The following MYT1L variants were observed in gnomAD, a reference collection of about 807,000 sequenced individuals.
MYT1L encodes myelin transcription factor 1-like protein.
In MYT1L, 12 loss-of-function variants were observed where a neutral mutation model predicts 126.7. That is an observed-to-expected ratio of 0.09 (90% CI 0.06 to 0.15). The LOEUF (loss-of-function observed/expected upper bound fraction) is 0.15. Ranked by LOEUF, MYT1L falls within the 10% of genes least tolerant of loss-of-function variation. The pLI, the probability that MYT1L is intolerant of heterozygous loss-of-function variation, is 1.00. For synonymous variants in MYT1L, 541 were observed against 604.2 expected, an observed-to-expected ratio of 0.90 and a Z score of 1.53; for missense variants, 979 against 1,585.2, an observed-to-expected ratio of 0.62 and a Z score of 6.49.
chr2:2,257,313 T>G (rs1203603333), intron 2 of MYT1L, among the ~76,000 whole-genome samples: 1 of 152,224 alleles, frequency 6.6e-6, no homozygotes, highest in Non-Finnish European at 1.5e-5. Flanking sequence ...TGGAAATGAC[T>G]GACGGTTTTC....
At chr2:2,029,180 G>A (rs1169596944) in intron 4 of MYT1L, among the ~76,000 whole-genome samples, 2 of 152,136 alleles carry the variant, frequency 1.3e-5, no homozygotes, top group Admixed American at 6.5e-5. Context: ...GCAAATATTT[G>A]GGCTAAAGTG....
At chr2:2,176,397 T>C (rs1205754170) in intron 2 of MYT1L, among the ~76,000 whole-genome samples, 1 of 152,226 alleles carries the variant, frequency 6.6e-6, no homozygotes, top group East Asian at 1.9e-4. Context: ...TTGGAAAGTA[T>C]TTTTGGCAAT....
rs118078654 is a variant in MYT1L at position 2,045,320 on chromosome 2, G to A, written c.-158+8658C>T. On this transcript the variant is annotated intron_variant, in intron 4 of 24. Coordinates refer to ENST00000647738, the MANE Select transcript of MYT1L (RefSeq NM_001303052.2). ...TCTTGCAGGCAGACTGCTGCACTGCGATTGATTTTGCCTGCCCTTCCTTAA... is the reference window on the plus strand; with the variant it reads ...TCTTGCAGGCAGACTGCTGCACTGCAATTGATTTTGCCTGCCCTTCCTTAA... Among the ~76,000 whole-genome samples the A allele has an allele frequency of 4.7e-3, 713 of 152,316 alleles. 7 individuals carry two copies. Among genetic ancestry groups the A allele is most frequent in the African/African-American group, 0.011 (473 of 41,580 alleles).
At chr2:1,984,135 G>T (rs6548048) in intron 5 of MYT1L, among the ~76,000 whole-genome samples, 65,496 of 152,028 alleles carry the variant, frequency 0.43, 16,646 homozygotes, top group African/African-American at 0.72. Context: ...ATTTATTTTA[G>T]TACTATGATC....
intron 5 of MYT1L, among the ~76,000 whole-genome samples, chr2:1,986,729 G>A (rs2061054770): frequency 6.6e-6 from 1 of 152,182 alleles, no homozygotes; most frequent in African/African-American, 2.4e-5. Flanking sequence ...GGGCCAGGAA[G>A]AGAGAGGCCT....
chr2:1,856,077 AC>A (rs1421557635), intron 18 of MYT1L, among the ~76,000 whole-genome samples: 2 of 152,212 alleles, frequency 1.3e-5, no homozygotes, highest in Non-Finnish European at 1.5e-5. Context: ...TTCTAAAAAA[AC>A]AAAACAAAAC....
At chr2:2,148,123 C>T (rs73913216) in intron 3 of MYT1L, among the ~76,000 whole-genome samples, 2,455 of 152,194 alleles carry the variant, frequency 0.016, 63 homozygotes, top group African/African-American at 0.052. Context: ...CCCTGGTGCC[C>T]GCATGACTTA....
At chr2:1,858,967 G>A (rs546520129) in intron 18 of MYT1L, among the ~76,000 whole-genome samples, 8 of 152,228 alleles carry the variant, frequency 5.3e-5, no homozygotes, top group Admixed American at 1.3e-4. Context: ...GAAAGGGTGC[G>A]GCGGCATGCC....
intron 1 of MYT1L, among the ~76,000 whole-genome samples, chr2:2,294,409 G>A (rs1333930116): frequency 1.3e-5 from 2 of 152,164 alleles, no homozygotes; most frequent in African/African-American, 2.4e-5. Context: ...ACTGAGATCA[G>A]ATGAATTTTG....
chr2:2,237,960 G>A (rs139575380), intron 2 of MYT1L, among the ~76,000 whole-genome samples: 57 of 152,282 alleles, frequency 3.7e-4, no homozygotes, highest in Admixed American at 1.8e-3. Flanking sequence ...CGGGGCACAC[G>A]TGCAAACACC....
intron 4 of MYT1L, among the ~76,000 whole-genome samples, chr2:2,010,909 C>T (rs755178323): frequency 2.6e-5 from 4 of 152,174 alleles, no homozygotes; most frequent in Non-Finnish European, 5.9e-5. Flanking sequence ...CGGGGCTAGT[C>T]AAAGGGGAGA....
intron 14 of MYT1L, among the ~76,000 whole-genome samples, chr2:1,893,237 G>A (rs2049151574): frequency 6.6e-6 from 1 of 152,210 alleles, no homozygotes; most frequent in African/African-American, 2.4e-5. Context: ...TTTATCCGAT[G>A]GGTCCTTCTT....
chr2:1,816,249 G>A (rs1219213241), intron 21 of MYT1L: 1 of 152,348 alleles, frequency 6.6e-6, no homozygotes, highest in Non-Finnish European at 1.5e-5. Context: ...CTCAGGTAGT[G>A]TTTGGGGACC....
intron 2 of MYT1L, among the ~76,000 whole-genome samples, chr2:2,181,536 G>A (rs1169556361): frequency 6.6e-6 from 1 of 152,094 alleles, no homozygotes; most frequent in African/African-American, 2.4e-5. Context: ...ATTTAAATGT[G>A]CTATGAGTTT....
At chr2:2,264,883 A>G (rs2095082923) in intron 2 of MYT1L, among the ~76,000 whole-genome samples, 1 of 152,184 alleles carries the variant, frequency 6.6e-6, no homozygotes, top group African/African-American at 2.4e-5. Flanking sequence ...AAATACCAGA[A>G]TGAATGTTAA....
At chr2:2,045,887 G>A (rs2068121473) in intron 4 of MYT1L, among the ~76,000 whole-genome samples, 1 of 152,066 alleles carries the variant, frequency 6.6e-6, no homozygotes, top group Non-Finnish European at 1.5e-5. Context: ...CTCCCTCCCT[G>A]TGGTCCTCCA....
At chr2:1,862,447 C>A (rs1484093185) in intron 18 of MYT1L, among the ~76,000 whole-genome samples, 2 of 152,170 alleles carry the variant, frequency 1.3e-5, no homozygotes, top group Non-Finnish European at 2.9e-5. Context: ...ATAATGCCCA[C>A]CCCTAAATCT....
At chr2:1,924,532 T>G (rs879300416) in intron 9 of MYT1L, among the ~76,000 whole-genome samples, 1 of 152,186 alleles carries the variant, frequency 6.6e-6, no homozygotes, top group African/African-American at 2.4e-5. Context: ...GCTCTGGTGT[T>G]TTCTCTATGG....
chr2:2,232,696 G>T (rs2094190029), intron 2 of MYT1L, among the ~76,000 whole-genome samples: 1 of 152,226 alleles, frequency 6.6e-6, no homozygotes, highest in African/African-American at 2.4e-5. Context: ...AGGCTTTAGG[G>T]ATGGTTGGAC....
Sources: allele counts gnomAD v4.1 joint callset (sites outside exome capture counted in the v4.1 genomes callset), GRCh38; gene constraint gnomAD v4.1.1; transcripts MANE v1.5; gene names NCBI Gene and HGNC (gene_info 2026-07-23, HGNC 2026-07-21).